Variants in USP39 observed in about 807,000 individuals in gnomAD.
USP39 encodes the protein ubiquitin carboxyl-terminal hydrolase 39.
USP39 carries 38 observed loss-of-function variants against 66.4 expected under a neutral mutation model. The ratio of observed to expected loss-of-function variants is 0.57; its 90% CI spans 0.44 to 0.75. The LOEUF is 0.75. Ranked by LOEUF, USP39 falls within the 30% of genes least tolerant of loss-of-function variation. The probability of loss-of-function intolerance (pLI) is 0.00; values close to 1 mark genes in which losing one functional copy is unlikely to be tolerated. For missense variants in USP39, 608 were observed against 714.4 expected (o/e 0.85, Z 1.70); for synonymous variants, 303 against 274.6 (o/e 1.10, Z -1.02).
upstream of USP39, chr2:85,616,170 G>C: frequency 7.0e-7 from 1 of 1,418,752 alleles, no homozygotes; most frequent in South Asian, 1.6e-5. Context: ...TGGCGCCTGC[G>C]CTGGACGACT....
upstream of USP39, among the ~76,000 whole-genome samples, chr2:85,613,269 G>C (rs1673694107): frequency 6.6e-6 from 1 of 152,080 alleles, no homozygotes; most frequent in Non-Finnish European, 1.5e-5. Flanking sequence ...AGCACTTTGG[G>C]AGGCCCAGGC....
At chr2:85,633,860 CAG>C (rs1251890373) in intron 6 of USP39, among the ~76,000 whole-genome samples, 1 of 88,096 alleles carries the variant, frequency 1.1e-5, no homozygotes, top group African/African-American at 5.3e-5. Context: ...TTTTTTGAGA[CAG>C]AGTCTCGCTC....
chr2:85,638,977 G>C (rs111423705), intron 8 of USP39, among the ~76,000 whole-genome samples: 1 of 152,154 alleles, frequency 6.6e-6, no homozygotes, highest in Non-Finnish European at 1.5e-5. Context: ...TGGCCTCAGG[G>C]CTTTTTAGAT....
chr2:85,611,893 C>T (rs780294799), upstream of USP39: 2 of 1,595,868 alleles, frequency 1.3e-6, no homozygotes, highest in South Asian at 1.1e-5. Flanking sequence ...GATCTGGTTC[C>T]GTCGGATATG....
chr2:85,627,138 C>T (rs981000526), intron 5 of USP39, among the ~76,000 whole-genome samples: 1 of 151,706 alleles, frequency 6.6e-6, no homozygotes, highest in Non-Finnish European at 1.5e-5. Flanking sequence ...AGTCTGTCAC[C>T]CAGGCTGGAA....
chr2:85,603,784 G>C (rs1023185034), intron 1 of USP39, among the ~76,000 whole-genome samples: 2 of 151,920 alleles, frequency 1.3e-5, no homozygotes, highest in Admixed American at 6.6e-5. Context: ...TAGTAGAGAC[G>C]GGGTTTCACC....
intron 2 of USP39, among the ~76,000 whole-genome samples, chr2:85,620,377 G>A (rs888444712): frequency 3.3e-5 from 5 of 151,824 alleles, no homozygotes; most frequent in Admixed American, 6.6e-5. Flanking sequence ...TTCTTGGGGG[G>A]CTGAAGCAGG....
At chr2:85,644,812 C>T (rs1676517208) in intron 10 of USP39, 136 bp from the exon 11 acceptor site, 2 of 1,173,692 alleles carry the variant, frequency 1.7e-6, no homozygotes, top group Non-Finnish European at 1.2e-6. Context: ...CCTGGACCTT[C>T]TTGACTCTGC....
chr2:85,648,422 G>A (rs911053503), intron 12 of USP39, among the ~76,000 whole-genome samples: 8 of 152,072 alleles, frequency 5.3e-5, no homozygotes, highest in African/African-American at 1.9e-4. Flanking sequence ...TTTTAGTGCC[G>A]GCCATATCGC....
rs1365941916 is a variant in USP39, at chr2:85,616,386, C to T, written c.191C>T (p.Ala64Val). 1.9e-6 allele frequency: 3 copies of T among 1,603,562 alleles called. No homozygotes were observed. In the African/African-American group the frequency reaches 4.0e-5, roughly 22 times the overall value. ...FEPASAREAP[A>V]SVVPFVRVKR... ...CCGGCGAGCGCGCGCGAGGCCCCGG[C>T]TTCTGTTGTCCCGTTTGTGCGGGTG... The change falls in exon 1 of 13, where the codon GCT (alanine) becomes GTT (valine). Residue 64 changes from alanine to valine, a missense_variant. Ala to Val is a moderately conservative substitution (Grantham distance 64). Transcript: ENST00000323701.
chr2:85,638,736 C>T (rs1017408362), intron 8 of USP39, among the ~76,000 whole-genome samples: 13 of 151,860 alleles, frequency 8.6e-5, no homozygotes, highest in East Asian at 1.9e-4. Flanking sequence ...GGGGTTTCTC[C>T]GTGTTGGTCA....
chr2:85,646,204 G>A (rs1373872168), intron 11 of USP39: 1 of 152,100 alleles, frequency 6.6e-6, no homozygotes, highest in Admixed American at 6.5e-5. Context: ...AAAATGTTGT[G>A]GATTTGTCTC....
At chr2:85,622,618 A>ATT (rs56707752) in intron 3 of USP39, among the ~76,000 whole-genome samples, 10 of 135,290 alleles carry the variant, frequency 7.4e-5, no homozygotes, top group Admixed American at 1.5e-4. Context: ...CCAGGCTACA[A>ATT]TTTTTTTTTT....
At chr2:85,607,782 G>C (rs1046543157), upstream of USP39, 1 of 152,212 alleles carries the variant, frequency 6.6e-6, no homozygotes, top group Non-Finnish European at 1.5e-5. Context: ...TGATATGCTG[G>C]AAAACAAGTG....
chr2:85,614,079 C>G (rs889953789), upstream of USP39, among the ~76,000 whole-genome samples: 2 of 151,944 alleles, frequency 1.3e-5, no homozygotes, highest in African/African-American at 4.8e-5. Flanking sequence ...CAGATCCCGT[C>G]TCTTGATTGT....
chr2:85,607,541 T>A (rs1228869838), upstream of USP39: 5 of 152,208 alleles, frequency 3.3e-5, no homozygotes. Flanking sequence ...CCTCACTTAC[T>A]GCCCCAGCAT....
At chr2:85,625,763 A>G in intron 5 of USP39, 72 bp downstream of exon 5, 2 of 1,559,586 alleles carry the variant, frequency 1.3e-6, no homozygotes, top group Non-Finnish European at 1.7e-6. Flanking sequence ...TCACCCCTGT[A>G]ATCCCAGCAC....
At chr2:85,618,669 A>G (rs576854655) in intron 1 of USP39, among the ~76,000 whole-genome samples, 106 of 151,794 alleles carry the variant, frequency 7.0e-4, no homozygotes, top group South Asian at 5.6e-3. Context: ...TTCATGCTTT[A>G]TGGGATTTCT....
At chr2:85,612,994 T>C (rs1304071208), upstream of USP39, among the ~76,000 whole-genome samples, 3 of 149,586 alleles carry the variant, frequency 2.0e-5, no homozygotes, top group Non-Finnish European at 4.4e-5. Flanking sequence ...TTCTGACCAC[T>C]GGGTTCACGT....
Sources: gnomAD v4.1 joint callset for allele counts (sites outside exome capture counted in the v4.1 genomes callset) on GRCh38, gnomAD v4.1.1 for gene constraint, MANE v1.5 for transcripts, NCBI Gene and HGNC (gene_info 2026-07-23, HGNC 2026-07-21) for gene names.